Variants in GNG11 observed in about 807,000 individuals in gnomAD.
GNG11 encodes the protein G protein subunit gamma 11, also known as guanine nucleotide-binding protein G(I)/G(S)/G(O) subunit gamma-11.
Under a neutral mutation model 7.4 loss-of-function variants are expected in GNG11, and 6 were observed. The observed-to-expected ratio is 0.81, with a 90% CI of 0.44 to 1.60. The LOEUF (loss-of-function observed/expected upper bound fraction) is 1.60, where lower values mean the gene tolerates loss of function less well. Ranked by LOEUF, GNG11 falls within the 40% of genes most tolerant of loss-of-function variation. The pLI is 0.01. For synonymous variants in GNG11, 31 were observed against 25.9 expected (o/e 1.20, Z -0.60); for missense variants, 65 against 83.0 (o/e 0.78, Z 0.84).
chr7:93,923,352 C>T (rs929597846), intron 1 of GNG11, among the ~76,000 whole-genome samples: 1 of 152,154 alleles, frequency 6.6e-6, no homozygotes, highest in African/African-American at 2.4e-5. Flanking sequence ...CTTTCACATC[C>T]AAATCCCGGC....
At position 93,927,938 on chromosome 7, in the gene GNG11, A is replaced by ACTATTAGTC. The variant is rs1794704456; in HGVS notation, c.*1723_*1731dup. 1 of 152,190 alleles carries ACTATTAGTC rather than the reference A, an allele frequency of 6.6e-6. No individual in the cohort carries two copies. The highest frequency in any genetic ancestry group is 1.5e-5 in the Non-Finnish European group (1 of 68,034). 9.4% of individuals were successfully genotyped at this position (152,190 alleles called of 1,614,324 possible). On this transcript the variant is annotated 3_prime_UTR_variant, in exon 2 of 2. Transcript: ENST00000248564. ...TTCCAAACAGCATAGAACTATTAGT[A>ACTATTAGTC]CTATTAGTCATTTAACATTTAACAT...
chr7:93,922,325 T>C (rs1045700111), intron 1 of GNG11, 92 bp downstream of exon 1: 1 of 686,806 alleles, frequency 1.5e-6, no homozygotes, highest in Non-Finnish European at 2.4e-6. Context: ...TAGTTTAGCT[T>C]ATTTTTCCCC....
chr7:93,926,152 T>C lies in GNG11; in HGVS notation c.158T>C (p.Leu53Pro), dbSNP rs1794676810. Reference sequence around the variant, plus strand: ...GAAGAACGTTCTGGAGAGGATCCTCTAGTAAAGGGAATTCCAGAAGACAAG... The same window carrying C: ...GAAGAACGTTCTGGAGAGGATCCTCCAGTAAAGGGAATTCCAGAAGACAAG... ...YIEERSGEDPLVKGIPEDKNP... is the reference protein window; with the variant it reads ...YIEERSGEDPPVKGIPEDKNP... The change falls in exon 2 of 2, where the codon CTA (leucine) becomes CCA (proline). Residue 53 changes from leucine (L) to proline (P), a missense_variant. By Grantham distance (98) the Leu-to-Pro change is moderately conservative. Transcript: ENST00000248564. The C allele has an allele frequency of 6.3e-7, 1 of 1,576,950 alleles. No homozygotes were observed.
intron 1 of GNG11, among the ~76,000 whole-genome samples, chr7:93,924,410 A>G (rs1021604238): frequency 6.6e-6 from 1 of 152,226 alleles, no homozygotes; most frequent in African/African-American, 2.4e-5. Context: ...CTAAATTATG[A>G]CACGTGCATT....
chr7:93,924,439 C>T (rs1794650217), intron 1 of GNG11, among the ~76,000 whole-genome samples: 1 of 152,200 alleles, frequency 6.6e-6, no homozygotes, highest in African/African-American at 2.4e-5. Context: ...TAAAAATTCA[C>T]TTAAAATGCA....
At chr7:93,922,976 T>C (rs780758471) in intron 1 of GNG11, among the ~76,000 whole-genome samples, 5 of 152,232 alleles carry the variant, frequency 3.3e-5, no homozygotes, top group Non-Finnish European at 5.9e-5. Flanking sequence ...TCGGGAGTTT[T>C]ATAAGTTTTA....
Position 93,926,257 on chromosome 7 carries a change from T to C in GNG11, c.*41T>C. ...CTGCATCCTAAGTGGAAGAACTAGTTTGTTTTAGTTTTCCCAGATAAAACC... is the reference window on the plus strand; with the variant it reads ...CTGCATCCTAAGTGGAAGAACTAGTCTGTTTTAGTTTTCCCAGATAAAACC... On this transcript the variant is annotated 3_prime_UTR_variant, in exon 2 of 2. Transcript: ENST00000248564. 1 of 1,489,420 alleles carries C rather than the reference T, an allele frequency of 6.7e-7. No individual in the cohort carries two copies. The highest frequency in any genetic ancestry group is 9.0e-7 in the Non-Finnish European group (1 of 1,105,524). 92.3% of individuals were successfully genotyped at this position (1,489,420 alleles called of 1,614,324 possible). A position where few individuals can be genotyped will look rare whatever the true frequency, so the allele number is the denominator to read the frequency against.
At chr7:93,926,030 C>A in intron 1 of GNG11, 61 bp from the exon 2 acceptor site, 2 of 954,038 alleles carry the variant, frequency 2.1e-6, no homozygotes, top group Non-Finnish European at 3.0e-6. Flanking sequence ...TTCATTAAGG[C>A]GTAGGGACAA....
chr7:93,923,400 T>C (rs540012119), intron 1 of GNG11, among the ~76,000 whole-genome samples: 3 of 152,314 alleles, frequency 2.0e-5, no homozygotes, highest in South Asian at 2.1e-4. Context: ...CCTTCTATCA[T>C]GTTAAGGGTT....
intron 1 of GNG11, among the ~76,000 whole-genome samples, chr7:93,922,549 A>C (rs991283391): frequency 6.6e-6 from 1 of 152,226 alleles, no homozygotes; most frequent in South Asian, 2.1e-4. Context: ...TTGTAGGAAA[A>C]AAGCGGATAG....
At chr7:93,923,550 T>G (rs1420502573) in intron 1 of GNG11, among the ~76,000 whole-genome samples, 10 of 152,308 alleles carry the variant, frequency 6.6e-5, no homozygotes, top group Non-Finnish European at 1.5e-5. Flanking sequence ...GCTGGCCACT[T>G]AGATATGTTC....
chr7:93,925,914 A>G (rs534779808), intron 1 of GNG11, among the ~76,000 whole-genome samples, 177 bp from the exon 2 acceptor site: 1 of 151,624 alleles, frequency 6.6e-6, no homozygotes, highest in African/African-American at 2.4e-5. Flanking sequence ...TGCAGAGCCC[A>G]GATTTTATAT....
intron 1 of GNG11, among the ~76,000 whole-genome samples, chr7:93,925,081 T>G (rs577548146): frequency 0.023 from 3,513 of 152,192 alleles, 125 homozygotes; most frequent in African/African-American, 0.08. Context: ...GGAGAATGGC[T>G]AGAATCCGGG....
At chr7:93,922,665 T>C (rs1794632103) in intron 1 of GNG11, among the ~76,000 whole-genome samples, 1 of 152,216 alleles carries the variant, frequency 6.6e-6, no homozygotes, top group Admixed American at 6.5e-5. Context: ...TAATTTTGAA[T>C]TTCACCAGTG....
Position 93,922,044 on chromosome 7 carries a change from C to A in GNG11, c.-94C>A. 1.4e-6 allele frequency: 1 copy of A among 701,450 alleles called. No homozygotes were observed. The highest frequency in any genetic ancestry group is 2.3e-6 in the Non-Finnish European group (1 of 430,180). 43.5% of individuals were successfully genotyped at this position (701,450 alleles called of 1,614,324 possible). On this transcript the variant is annotated 5_prime_UTR_variant, in exon 1 of 2. Transcript: ENST00000248564. ...ACATCCTGCGCGGGTGGGCGGCGGG[C>A]CAGGCCTTCAGTTGTTTCGGGACGC...
chr7:93,925,644 T>C (rs1033410187), intron 1 of GNG11, among the ~76,000 whole-genome samples: 2 of 152,324 alleles, frequency 1.3e-5, no homozygotes, highest in Admixed American at 6.5e-5. Context: ...TTGGGGATTA[T>C]CTACTACTGC....
Position 93,926,448 on chromosome 7 carries a change from AT to A in GNG11, c.*234del. The A allele has an allele frequency of 3.5e-6, 1 of 288,628 alleles. No individual in the cohort carries two copies. Among genetic ancestry groups the A allele is most frequent in the Non-Finnish European group, 6.4e-6 (1 of 157,032 alleles). The allele number at this position is 288,628 out of a possible 1,614,324, so 17.9% of individuals were successfully genotyped here. A position where few individuals can be genotyped will look rare whatever the true frequency, so the allele number is the denominator to read the frequency against. On this transcript the variant is annotated 3_prime_UTR_variant, in exon 2 of 2. Transcript: ENST00000248564. The stretch of plus-strand genomic sequence containing the variant: ...GATGTACAATTATGGAAATAAGAAC[AT>A]TACTTGAGCATGACACTTCTTTCAG...
chr7:93,923,865 A>C (rs1794645246), intron 1 of GNG11, among the ~76,000 whole-genome samples: 1 of 152,144 alleles, frequency 6.6e-6, no homozygotes, highest in African/African-American at 2.4e-5. Flanking sequence ...GAGGGAGAAA[A>C]AACTTTGGAT....
intron 1 of GNG11, 149 bp from the exon 2 acceptor site, chr7:93,925,942 T>G: frequency 4.0e-6 from 1 of 249,442 alleles, no homozygotes; most frequent in Non-Finnish European, 7.8e-6. Flanking sequence ...ATATATATAA[T>G]ATATACACAC....
Sources: gnomAD v4.1 joint callset for allele counts (sites outside exome capture counted in the v4.1 genomes callset) on GRCh38, gnomAD v4.1.1 for gene constraint, MANE v1.5 for transcripts, NCBI Gene and HGNC (gene_info 2026-07-23, HGNC 2026-07-21) for gene names.